Variants in STPG2 observed in about 807,000 individuals in gnomAD.
STPG2 encodes the protein sperm tail PG-rich repeat containing 2, also known as sperm-tail PG-rich repeat-containing protein 2.
STPG2 carries 56 observed loss-of-function variants against 54.2 expected under a neutral mutation model. The observed-to-expected ratio is 1.03, with a 90% CI of 0.83 to 1.29. The LOEUF (loss-of-function observed/expected upper bound fraction) is 1.29, where lower values mean the gene tolerates loss of function less well. Ranked by LOEUF, STPG2 falls within the 50% of genes most tolerant of loss-of-function variation. The pLI is 0.00. For missense variants in STPG2, 596 were observed against 544.9 expected, an observed-to-expected ratio of 1.09 and a Z score of -0.93; for synonymous variants, 200 against 181.8, an observed-to-expected ratio of 1.10 and a Z score of -0.81.
intron 8 of STPG2, among the ~76,000 whole-genome samples, chr4:97,883,148 T>C (rs1730439567): frequency 6.6e-6 from 1 of 151,604 alleles, no homozygotes; most frequent in African/African-American, 2.4e-5. Context: ...GGAGACCTTG[T>C]CTCTACAGAA....
downstream of STPG2, among the ~76,000 whole-genome samples, chr4:97,553,952 C>T (rs1055266624): frequency 6.6e-6 from 1 of 152,154 alleles, no homozygotes; most frequent in African/African-American, 2.4e-5. Flanking sequence ...CAGACAGACA[C>T]TTTAATATAT....
rs756806748 is a variant in STPG2 at position 98,134,370 on chromosome 4, G to A, written c.199C>T (p.His67Tyr). 1.5e-5 allele frequency: 24 copies of A among 1,577,382 alleles called. No homozygotes were observed. The highest frequency in any genetic ancestry group is 2.0e-5 in the Non-Finnish European group (23 of 1,159,244). Residue 67 changes from histidine (H) to tyrosine (Y), a missense_variant, in exon 2 of 11, where the codon CAC becomes TAC. Coordinates refer to ENST00000295268, the MANE Select transcript of STPG2 (RefSeq NM_174952.3). ...ACCTGTGCTTCTGAAACATTATAGT[G>A]TCCTGGACCTGGAACAGCTTTCTCA... ...SIEKAVPGPG[H>Y]YNVSEAQKIS...
At chr4:97,681,645 T>A (rs75195049) in intron 10 of STPG2, among the ~76,000 whole-genome samples, 160 of 151,984 alleles carry the variant, frequency 1.1e-3, no homozygotes, top group Admixed American at 3.5e-3. Context: ...GACATGACTT[T>A]TGTTTTTAAT....
downstream of STPG2, among the ~76,000 whole-genome samples, chr4:97,554,677 G>C (rs1013234345): frequency 3.9e-5 from 6 of 152,046 alleles, no homozygotes; most frequent in Non-Finnish European, 5.9e-5. Flanking sequence ...CTAAACTTCA[G>C]GAATGGAAAA....
At chr4:97,919,954 C>T (rs1313246001) in intron 8 of STPG2, among the ~76,000 whole-genome samples, 1 of 152,084 alleles carries the variant, frequency 6.6e-6, no homozygotes, top group Non-Finnish European at 1.5e-5. Flanking sequence ...CCATGTTAGG[C>T]AGTATATTAT....
intron 4 of STPG2, among the ~76,000 whole-genome samples, chr4:97,537,602 G>A (rs1219874126): frequency 6.6e-6 from 1 of 152,174 alleles, no homozygotes; most frequent in African/African-American, 2.4e-5. Context: ...TGCTTCTGTA[G>A]ACTCCACCTC....
chr4:97,545,500 CT>C (rs1324191914), intron 4 of STPG2, among the ~76,000 whole-genome samples: 1 of 152,086 alleles, frequency 6.6e-6, no homozygotes, highest in Admixed American at 6.6e-5. Flanking sequence ...CTCAACCCCC[CT>C]GGTGATGGCC....
intron 7 of STPG2, among the ~76,000 whole-genome samples, chr4:97,955,797 T>TTC (rs199580541): frequency 6.6e-6 from 1 of 152,294 alleles, no homozygotes; most frequent in East Asian, 1.9e-4. Flanking sequence ...GACAGCTTAC[T>TTC]TCTCAATGGA....
At chr4:97,459,489 G>C (rs1417806609) in intron 4 of STPG2, among the ~76,000 whole-genome samples, 1 of 148,144 alleles carries the variant, frequency 6.8e-6, no homozygotes, top group Admixed American at 6.7e-5. Flanking sequence ...GCCCAGGCTG[G>C]AGTGCAGTGG....
At chr4:97,942,343 G>A (rs1206558571) in intron 8 of STPG2, among the ~76,000 whole-genome samples, 1 of 151,862 alleles carries the variant, frequency 6.6e-6, no homozygotes, top group Non-Finnish European at 1.5e-5. Context: ...AATGGATCCT[G>A]AGGTGTGTAC....
At chr4:97,936,967 T>A (rs747830313) in intron 8 of STPG2, among the ~76,000 whole-genome samples, 4 of 152,198 alleles carry the variant, frequency 2.6e-5, no homozygotes, top group Admixed American at 6.5e-5. Context: ...TATCCTGAAC[T>A]GTGTTTTTCA....
intron 9 of STPG2, among the ~76,000 whole-genome samples, chr4:97,796,620 G>A (rs1184593453): frequency 1.3e-5 from 2 of 152,170 alleles, no homozygotes; most frequent in African/African-American, 4.8e-5. Context: ...AGTATAGTTT[G>A]AAGTCAGGTA....
At chr4:98,135,453 T>C (rs1356738506) in intron 1 of STPG2, among the ~76,000 whole-genome samples, 1 of 151,710 alleles carries the variant, frequency 6.6e-6, no homozygotes, top group Admixed American at 6.6e-5. Context: ...AAAAGTAATA[T>C]CTTGAAGCAT....
At chr4:97,585,101 C>CAAAAAAA (rs60854805) in intron 10 of STPG2, among the ~76,000 whole-genome samples, 10 of 46,252 alleles carry the variant, frequency 2.2e-4, no homozygotes, top group Admixed American at 5.6e-4. Flanking sequence ...AAAATATTCT[C>CAAAAAAA]AAAAAAAAAA....
intron 9 of STPG2, among the ~76,000 whole-genome samples, chr4:97,771,788 AGT>A (rs1163352781): frequency 6.6e-6 from 1 of 152,238 alleles, no homozygotes; most frequent in African/African-American, 2.4e-5. Context: ...TGGAGCACAA[AGT>A]GCCTATGTCA....
chr4:97,545,160 G>C (rs1179028690), intron 4 of STPG2, among the ~76,000 whole-genome samples: 4 of 152,054 alleles, frequency 2.6e-5, no homozygotes. Flanking sequence ...TGGACAACTA[G>C]GATTCAGCTA....
chr4:97,979,935 G>C (rs1734618286), intron 6 of STPG2, among the ~76,000 whole-genome samples: 1 of 152,018 alleles, frequency 6.6e-6, no homozygotes, highest in Non-Finnish European at 1.5e-5. Flanking sequence ...ATGTTGGCCA[G>C]GATGGTCTCG....
intron 8 of STPG2, among the ~76,000 whole-genome samples, chr4:97,857,053 G>A (rs896752071): frequency 5.9e-5 from 9 of 152,142 alleles, no homozygotes; most frequent in Non-Finnish European, 1.0e-4. Context: ...GCTGGATCCA[G>A]TTTGCCAGTA....
At chr4:97,915,806 T>A (rs1277262622) in intron 8 of STPG2, among the ~76,000 whole-genome samples, 1 of 152,032 alleles carries the variant, frequency 6.6e-6, no homozygotes, top group Non-Finnish European at 1.5e-5. Context: ...AACTCCACCA[T>A]CAGGCAATGG....
Sources: allele counts gnomAD v4.1 joint callset (sites outside exome capture counted in the v4.1 genomes callset), GRCh38; gene constraint gnomAD v4.1.1; transcripts MANE v1.5; gene names NCBI Gene and HGNC (gene_info 2026-07-23, HGNC 2026-07-21).